OTOG: variants seen among roughly 807,000 people sequenced by gnomAD.
The protein encoded by OTOG is otogelin.
In OTOG, 296 loss-of-function variants were observed where a neutral mutation model predicts 313.8. The observed-to-expected ratio is 0.94, with a 90% CI of 0.86 to 1.04. The LOEUF is 1.04. Ranked by LOEUF, OTOG falls within the 50% of genes least tolerant of loss-of-function variation. OTOG has a pLI of 0.00. For synonymous variants in OTOG, 1,533 were observed against 1,554.9 expected, an observed-to-expected ratio of 0.99 and a Z score of 0.33; for missense variants, 3,948 against 3,840.1, an observed-to-expected ratio of 1.03 and a Z score of -0.74.
At position 17,569,293 on chromosome 11, in the gene OTOG, G is replaced by A. The variant is rs151259358; in HGVS notation, c.1777+5G>A. On this transcript the variant is annotated splice_donor_5th_base_variant and intron_variant, in intron 16 of 55. Transcript: ENST00000399397. ...TCATCCCGCCATACACAGATGGTAC[G>A]GTTTGGGGTGGACAACAGACCTAGT... The A allele has an allele frequency of 1.3e-5, 20 of 1,550,542 alleles. No homozygotes were observed. In the African/African-American group the frequency reaches 1.6e-4, roughly 13 times the overall value.
In OTOG at chr11:17,573,987, A is replaced by C. The variant is rs1416644119; in HGVS notation, c.2293+697A>C. ...GGCTGCATATTAGAGTTACCATAGG[A>C]GCTTTCAAAAGATTCACACATCTGG... is the stretch of plus-strand genomic sequence containing the variant. On this transcript the variant is annotated intron_variant, in intron 19 of 55. Transcript: ENST00000399397. 5.3e-5 allele frequency among the ~76,000 whole-genome samples: 8 copies of C among 152,184 alleles called. 1 individual carries two copies. Among genetic ancestry groups the C allele is most frequent in the Non-Finnish European group, 5.9e-5 (4 of 68,048 alleles).
chr11:17,565,323 G>T (rs1852274290), intron 15 of OTOG, among the ~76,000 whole-genome samples: 1 of 152,148 alleles, frequency 6.6e-6, no homozygotes, highest in Non-Finnish European at 1.5e-5. Flanking sequence ...CTCATGGTTT[G>T]ACTGGGGTTA....
At position 17,645,554 on chromosome 11, in the gene OTOG, G is replaced by A. The variant is rs1447478854; in HGVS notation, c.8462-10G>A. On this transcript the variant is annotated splice_polypyrimidine_tract_variant and intron_variant, in intron 54 of 55. Transcript: ENST00000399397. ...TTGGCCACAGCTGCCTCATCCCCCT[G>A]TCCCCCCAGGTAAGGAGGATGGGCG... 2 of 1,550,178 alleles carry A rather than the reference G, an allele frequency of 1.3e-6. No homozygotes were observed. The highest frequency in any genetic ancestry group is 2.4e-5 in the South Asian group (2 of 83,966).
chr11:17,555,209 G>A (rs1458712184), intron 6 of OTOG, among the ~76,000 whole-genome samples: 4 of 143,952 alleles, frequency 2.8e-5, no homozygotes, highest in African/African-American at 5.2e-5. Context: ...GGGCAGAGAT[G>A]TGTGTGTGTG....
intron 15 of OTOG, among the ~76,000 whole-genome samples, chr11:17,562,482 G>A (rs1852212764): frequency 6.6e-6 from 1 of 152,012 alleles, no homozygotes; most frequent in East Asian, 1.9e-4. Context: ...TCTTTTAAGA[G>A]CATCTTTATA....
intron 38 of OTOG, 50 bp from the exon 39 acceptor site, chr11:17,613,562 G>T (rs1441073271): frequency 1.4e-6 from 2 of 1,462,410 alleles, no homozygotes; most frequent in Non-Finnish European, 1.9e-6. Flanking sequence ...CACTTGGAGG[G>T]GGACAGAGGA....
At chr11:17,575,192 T>TTCCACATA (rs1852497599) in intron 20 of OTOG, among the ~76,000 whole-genome samples, 1 of 152,234 alleles carries the variant, frequency 6.6e-6, no homozygotes. Context: ...TCCCCTCTCC[T>TTCCACATA]TCCACATAAT....
At chr11:17,588,428 G>A (rs1167780177) in intron 24 of OTOG, among the ~76,000 whole-genome samples, 1 of 151,714 alleles carries the variant, frequency 6.6e-6, no homozygotes, top group Non-Finnish European at 1.5e-5. Context: ...ACCATGGTCG[G>A]CAGCATGGTC....
At position 17,557,169 on chromosome 11, in the gene OTOG, C is replaced by T. The variant is rs945312680; in HGVS notation, c.711C>T (p.Gly237=). 1.3e-6 allele frequency: 2 copies of T among 1,550,606 alleles called. No homozygotes were observed. The highest frequency in any genetic ancestry group is 1.7e-6 in the Non-Finnish European group (2 of 1,147,014). ...MGSARLQQLA[G]YVIVRHQSAF... ...GCGCGCGTCTGCAGCAGCTTGCCGG[C>T]TATGTCATCGTGCGGCATCAGTCAG... The change falls in exon 8 of 56, where the codon GGC becomes GGT. Residue 237 remains glycine, a synonymous_variant. Coordinates refer to ENST00000399397, the MANE Select transcript of OTOG (RefSeq NM_001292063.2).
intron 15 of OTOG, among the ~76,000 whole-genome samples, chr11:17,564,633 G>T (rs1852261047): frequency 6.6e-6 from 1 of 152,216 alleles, no homozygotes; most frequent in African/African-American, 2.4e-5. Context: ...TGGGTGCCCA[G>T]CAATGGAGTG....
intron 18 of OTOG, among the ~76,000 whole-genome samples, chr11:17,572,443 G>C (rs958533275): frequency 6.6e-6 from 1 of 152,208 alleles, no homozygotes; most frequent in Non-Finnish European, 1.5e-5. Flanking sequence ...CTCCATCTCA[G>C]GGCAAAAGCG....
rs550807341 is a variant in OTOG, at chr11:17,547,541, G to T, written c.94+75G>T. ...CGTTAAAGGAATGAGGAATGGGCCC[G>T]CGCAGGTTGGAGAGAGGGAGGAAAG... On this transcript the variant is annotated intron_variant, in intron 1 of 55. Coordinates refer to ENST00000399397, the MANE Select transcript of OTOG (RefSeq NM_001292063.2). The T allele has an allele frequency of 1.8e-4, 225 of 1,277,382 alleles. 2 individuals are homozygous for T. In the East Asian group the frequency reaches 5.1e-3, roughly 29 times the overall value. The allele number at this position is 1,277,382 out of a possible 1,614,324, so 79.1% of individuals were successfully genotyped here. A position where few individuals can be genotyped will look rare whatever the true frequency, so the allele number is the denominator to read the frequency against.
At chr11:17,586,095 G>T (rs1852787650) in intron 23 of OTOG, among the ~76,000 whole-genome samples, 1 of 152,142 alleles carries the variant, frequency 6.6e-6, no homozygotes, top group Non-Finnish European at 1.5e-5. Context: ...GGGGCCTGTG[G>T]TCTGAGAGCT....
chr11:17,561,539 C>T, intron 14 of OTOG, 123 bp from the exon 15 acceptor site: 2 of 1,052,348 alleles, frequency 1.9e-6, no homozygotes, highest in South Asian at 3.1e-5. Context: ...GGCCAGGCCT[C>T]ATTCCTTATA....
chr11:17,608,199 A>G, intron 33 of OTOG, 97 bp from the exon 34 acceptor site: 1 of 785,478 alleles, frequency 1.3e-6, no homozygotes, highest in Non-Finnish European at 1.9e-6. Context: ...GCATGGGTCC[A>G]TTTGTCCCCT....
chr11:17,616,170 C>A lies in OTOG; in HGVS notation c.6528+2469C>A, dbSNP rs145224984. ...GATCTCCTGGGCTCAGCAATCCCCC[C>A]ACCTCAGCCTCCCAAGTAGAGGACA... On this transcript the variant is annotated intron_variant, in intron 39 of 55. Coordinates refer to ENST00000399397, the MANE Select transcript of OTOG (RefSeq NM_001292063.2). Among the ~76,000 whole-genome samples the A allele has an allele frequency of 2.2e-3, 336 of 152,136 alleles. 3 individuals are homozygous for A. Among genetic ancestry groups the A allele is most frequent in the African/African-American group, 7.3e-3 (304 of 41,520 alleles).
rs181198577 is a variant in OTOG, at chr11:17,640,606, G to A, written c.7936-139G>A. 98 of 787,258 alleles carry A rather than the reference G, an allele frequency of 1.2e-4. No homozygotes were observed. The East Asian group carries it at 2.6e-3, about 21-fold the overall frequency. 48.8% of individuals were successfully genotyped at this position (787,258 alleles called of 1,614,324 possible). A position where few individuals can be genotyped will look rare whatever the true frequency, so the allele number is the denominator to read the frequency against. On this transcript the variant is annotated intron_variant, in intron 49 of 55. Coordinates refer to ENST00000399397, the MANE Select transcript of OTOG (RefSeq NM_001292063.2). ...ACTGGGACTGAGCTTCCAGGCTGCT[G>A]AGGGGCCCCAGGCCTGCCAGCCCCC...
intron 15 of OTOG, among the ~76,000 whole-genome samples, chr11:17,568,767 A>G (rs1294132261): frequency 2.6e-5 from 4 of 152,198 alleles, no homozygotes; most frequent in African/African-American, 9.7e-5. Flanking sequence ...GGATGTGAAC[A>G]TGAAATGAAT....
In OTOG at chr11:17,576,714, T is replaced by G; in HGVS notation, c.2561+84T>G. The G allele has an allele frequency of 2.1e-6, 3 of 1,461,074 alleles. No homozygotes were observed. The East Asian group carries it at 7.4e-5, about 36-fold the overall frequency. The allele number at this position is 1,461,074 out of a possible 1,614,324, so 90.5% of individuals were successfully genotyped here. A position where few individuals can be genotyped will look rare whatever the true frequency, so the allele number is the denominator to read the frequency against. On this transcript the variant is annotated intron_variant, in intron 21 of 55. Transcript: ENST00000399397. The stretch of plus-strand genomic sequence containing the variant: ...AGACAGTGCAGCTGATGGAACTTTC[T>G]GTGAAGGGACACCCAGCCCTGCTCT...
Sources: allele counts gnomAD v4.1 joint callset (sites outside exome capture counted in the v4.1 genomes callset), GRCh38; gene constraint gnomAD v4.1.1; transcripts MANE v1.5; gene names NCBI Gene and HGNC (gene_info 2026-07-23, HGNC 2026-07-21).